Variants in GLI3 observed in about 807,000 individuals in gnomAD.
GLI3 encodes the protein GLI family zinc finger 3.
GLI3 carries 20 observed loss-of-function variants against 100.8 expected under a neutral mutation model. That is an observed-to-expected ratio of 0.20 (90% confidence interval 0.14 to 0.29). The LOEUF is 0.29. Among genes scored for constraint, GLI3 ranks in the 10% least tolerant of loss-of-function variants. The pLI, the probability that GLI3 is intolerant of heterozygous loss-of-function variation, is 1.00. For synonymous variants in GLI3, 938 were observed against 860.5 expected, an observed-to-expected ratio of 1.09 and a Z score of -1.58; for missense variants, 2,040 against 2,128.5, an observed-to-expected ratio of 0.96 and a Z score of 0.82.
intron 3 of GLI3, among the ~76,000 whole-genome samples, chr7:42,123,195 C>T (rs908626050): frequency 6.6e-6 from 1 of 152,152 alleles, no homozygotes; most frequent in Non-Finnish European, 1.5e-5. Context: ...ACTTTTTTCA[C>T]CAGTAATTAG....
chr7:41,991,849 TAAG>T (rs1233038907), intron 10 of GLI3, among the ~76,000 whole-genome samples: 1 of 152,104 alleles, frequency 6.6e-6, no homozygotes, highest in Admixed American at 6.5e-5. Flanking sequence ...GGCCCAGTGT[TAAG>T]AAAAACACAA....
chr7:41,967,264 G>A (rs1787210324), intron 14 of GLI3, among the ~76,000 whole-genome samples: 1 of 152,146 alleles, frequency 6.6e-6, no homozygotes, highest in South Asian at 2.1e-4. Flanking sequence ...TGCTAACCTC[G>A]TGGTTTTAAA....
chr7:42,119,762 A>G (rs139187997), intron 3 of GLI3, among the ~76,000 whole-genome samples: 122 of 152,316 alleles, frequency 8.0e-4, no homozygotes, highest in African/African-American at 2.7e-3. Flanking sequence ...ATTCTAAACA[A>G]CATTCCACAG....
intron 4 of GLI3, among the ~76,000 whole-genome samples, chr7:42,052,606 T>A (rs1562705004): frequency 6.6e-6 from 1 of 152,126 alleles, no homozygotes; most frequent in East Asian, 1.9e-4. Flanking sequence ...AGGAACACAG[T>A]GCCTAAGTGC....
intron 2 of GLI3, among the ~76,000 whole-genome samples, chr7:42,185,444 G>A (rs148533811): frequency 2.6e-5 from 4 of 152,236 alleles, no homozygotes; most frequent in African/African-American, 7.2e-5. Context: ...ATGCTTTCAA[G>A]TAGTAGTATG....
chr7:42,099,551 A>T (rs932386566), intron 3 of GLI3, among the ~76,000 whole-genome samples: 2 of 152,162 alleles, frequency 1.3e-5, no homozygotes, highest in African/African-American at 4.8e-5. Flanking sequence ...TAGTTTAGTT[A>T]GTTATTTTTA....
At chr7:42,158,398 A>G (rs566894196) in intron 2 of GLI3, among the ~76,000 whole-genome samples, 4 of 152,166 alleles carry the variant, frequency 2.6e-5, no homozygotes, top group Non-Finnish European at 4.4e-5. Flanking sequence ...CCTTTGTATT[A>G]TAAATTACTA....
At chr7:41,989,268 G>A (rs1000903848) in intron 10 of GLI3, among the ~76,000 whole-genome samples, 18 of 152,146 alleles carry the variant, frequency 1.2e-4, no homozygotes, top group Non-Finnish European at 1.5e-5. Context: ...GTCATGGAAC[G>A]AAATTATTTG....
chr7:42,189,741 A>C (rs112278755), intron 2 of GLI3, among the ~76,000 whole-genome samples: 107 of 152,304 alleles, frequency 7.0e-4, no homozygotes, highest in African/African-American at 2.3e-3. Context: ...AACTTGACAG[A>C]GTGCTGGAGT....
intron 4 of GLI3, among the ~76,000 whole-genome samples, chr7:42,056,061 T>C (rs1032334256): frequency 2.0e-5 from 3 of 152,182 alleles, no homozygotes; most frequent in African/African-American, 7.2e-5. Context: ...TCTGCCACCA[T>C]GTGAGAAGTG....
chr7:42,113,293 C>T (rs1223667261), intron 3 of GLI3: 11 of 583,534 alleles, frequency 1.9e-5, no homozygotes, highest in South Asian at 4.6e-5. Flanking sequence ...GAACGACCCC[C>T]GGACCGACCA....
chr7:42,067,178 T>A (rs1373751275), intron 4 of GLI3, among the ~76,000 whole-genome samples: 5 of 152,196 alleles, frequency 3.3e-5, no homozygotes, highest in African/African-American at 4.8e-5. Context: ...AGAGGCCCCT[T>A]CAGAGGTCTG....
At chr7:42,016,664 A>T (rs894855404) in intron 10 of GLI3, among the ~76,000 whole-genome samples, 6 of 152,260 alleles carry the variant, frequency 3.9e-5, no homozygotes, top group African/African-American at 7.2e-5. Context: ...TATTCCTTCA[A>T]ATCAGGTGCT....
intron 3 of GLI3, among the ~76,000 whole-genome samples, chr7:42,146,927 A>G (rs907859141): frequency 3.3e-5 from 5 of 152,244 alleles, no homozygotes; most frequent in African/African-American, 1.2e-4. Context: ...CTTCCTCCTT[A>G]TTTCTGTATC....
chr7:42,126,910 G>C (rs1218494308), intron 3 of GLI3, among the ~76,000 whole-genome samples: 1 of 152,282 alleles, frequency 6.6e-6, no homozygotes, highest in African/African-American at 2.4e-5. Context: ...TTACAGGGCT[G>C]TCTCCAGCCC....
intron 3 of GLI3, among the ~76,000 whole-genome samples, chr7:42,142,813 C>T (rs912891177): frequency 4.6e-5 from 7 of 151,398 alleles, no homozygotes; most frequent in Admixed American, 3.3e-4. Context: ...GTGGCAGGTG[C>T]CTGTAGTCCC....
intron 10 of GLI3, among the ~76,000 whole-genome samples, chr7:42,007,457 G>C (rs1788489734): frequency 6.6e-6 from 1 of 152,090 alleles, no homozygotes; most frequent in South Asian, 2.1e-4. Context: ...TTAAGAGTTA[G>C]GGCACACATT....
At chr7:42,214,666 CA>C (rs370294857) in intron 2 of GLI3, among the ~76,000 whole-genome samples, 1,961 of 144,292 alleles carry the variant, frequency 0.014, 42 homozygotes, top group African/African-American at 0.045. Flanking sequence ...AAAAAAAAGA[CA>C]AAAAAAAAAT....
At chr7:42,244,119 C>G (rs1176595170) in intron 1 of GLI3, among the ~76,000 whole-genome samples, 1 of 152,108 alleles carries the variant, frequency 6.6e-6, no homozygotes, top group Non-Finnish European at 1.5e-5. Flanking sequence ...CAGGCGAAAG[C>G]CACTGCACCC....
Sources: allele counts gnomAD v4.1 joint callset (sites outside exome capture counted in the v4.1 genomes callset), GRCh38; gene constraint gnomAD v4.1.1; transcripts MANE v1.5; gene names NCBI Gene and HGNC (gene_info 2026-07-23, HGNC 2026-07-21).